Variants in CDKAL1 observed in about 807,000 individuals in gnomAD.
CDKAL1 encodes the protein threonylcarbamoyladenosine tRNA methylthiotransferase.
CDKAL1 carries 32 observed loss-of-function variants against 68.2 expected under a neutral mutation model. The ratio of observed to expected loss-of-function variants is 0.47; its 90% CI spans 0.35 to 0.63. CDKAL1 has a LOEUF of 0.63. Among genes scored for constraint, CDKAL1 ranks in the 30% least tolerant of loss-of-function variants. The pLI, the probability that CDKAL1 is intolerant of heterozygous loss-of-function variation, is 0.00. For synonymous variants in CDKAL1, 234 were observed against 244.3 expected (o/e 0.96, Z 0.39); for missense variants, 606 against 696.7 (o/e 0.87, Z 1.47).
intron 9 of CDKAL1, among the ~76,000 whole-genome samples, chr6:20,860,969 G>A (rs1759591467): frequency 7.0e-6 from 1 of 141,994 alleles, no homozygotes; most frequent in Non-Finnish European, 1.5e-5. Flanking sequence ...AAGCGTAAGC[G>A]TAAATTATGT....
chr6:20,900,083 C>T (rs957441667), intron 9 of CDKAL1, among the ~76,000 whole-genome samples: 1 of 152,138 alleles, frequency 6.6e-6, no homozygotes, highest in Non-Finnish European at 1.5e-5. Flanking sequence ...TCTGCTTCAC[C>T]TTCTCAGTAT....
chr6:20,975,231 G>A (rs547790582), intron 10 of CDKAL1, among the ~76,000 whole-genome samples: 2 of 152,228 alleles, frequency 1.3e-5, no homozygotes, highest in Admixed American at 6.5e-5. Flanking sequence ...CCGTCTCCAG[G>A]TGATAGATAT....
intron 4 of CDKAL1, chr6:20,599,509 A>T (rs1199840770): frequency 2.5e-5 from 8 of 326,372 alleles, no homozygotes; most frequent in Non-Finnish European, 4.9e-5. Context: ...GCTTTATGCA[A>T]ATATTACCAC....
chr6:20,659,720 C>A (rs1769198219), intron 5 of CDKAL1, among the ~76,000 whole-genome samples: 1 of 152,146 alleles, frequency 6.6e-6, no homozygotes, highest in Non-Finnish European at 1.5e-5. Context: ...ATGACCTTGA[C>A]CATGGACACC....
Position 20,680,347 on chromosome 6 carries a change from G to A in CDKAL1, c.371+30970G>A, listed in dbSNP as rs149261437. Among the ~76,000 whole-genome samples the A allele has an allele frequency of 2.4e-3, 368 of 152,266 alleles. 2 individuals carry two copies. The highest frequency in any genetic ancestry group is 7.3e-3 in the African/African-American group (305 of 41,562). ...CTCCCAAAGTCCTGGGATTCCAGGC[G>A]TGAGCCACCACACCCGGTCTAATTT... On this transcript the variant is annotated intron_variant, in intron 5 of 15. Transcript: ENST00000274695.
At chr6:21,183,163 C>T (rs182823231) in intron 13 of CDKAL1, among the ~76,000 whole-genome samples, 9 of 147,930 alleles carry the variant, frequency 6.1e-5, no homozygotes, top group Admixed American at 5.4e-4. Flanking sequence ...CAGCATAATT[C>T]GTCTTTCCAA....
intron 4 of CDKAL1, among the ~76,000 whole-genome samples, chr6:20,626,297 A>C (rs1009438819): frequency 6.6e-6 from 1 of 152,188 alleles, no homozygotes; most frequent in African/African-American, 2.4e-5. Flanking sequence ...TTCCTGCTAG[A>C]AAGTTGGCTA....
intron 12 of CDKAL1, among the ~76,000 whole-genome samples, chr6:21,082,627 C>A (rs1772463082): frequency 6.6e-6 from 1 of 152,068 alleles, no homozygotes; most frequent in South Asian, 2.1e-4. Flanking sequence ...TCTATTATGA[C>A]AGTAAGTTTA....
chr6:21,192,668 G>A (rs918636191), intron 13 of CDKAL1, among the ~76,000 whole-genome samples: 1 of 152,074 alleles, frequency 6.6e-6, no homozygotes, highest in Non-Finnish European at 1.5e-5. Context: ...ATTCTCAACA[G>A]AAGCTTTTAA....
chr6:20,822,987 C>G (rs1443897787), intron 8 of CDKAL1, among the ~76,000 whole-genome samples: 3 of 152,136 alleles, frequency 2.0e-5, no homozygotes, highest in African/African-American at 7.2e-5. Flanking sequence ...ACTTCTCAGC[C>G]TGGTGTTCAC....
At chr6:21,229,922 GCA>G (rs372510590) in intron 15 of CDKAL1, among the ~76,000 whole-genome samples, 5 of 152,222 alleles carry the variant, frequency 3.3e-5, no homozygotes, top group African/African-American at 1.2e-4. Context: ...GAGAAAAGCT[GCA>G]CAGTCAGGTC....
At chr6:21,217,765 T>C (rs1030196283) in intron 15 of CDKAL1, among the ~76,000 whole-genome samples, 1 of 152,222 alleles carries the variant, frequency 6.6e-6, no homozygotes, top group Non-Finnish European at 1.5e-5. Context: ...CCCAAAGTGC[T>C]GGGATTACAG....
intron 15 of CDKAL1, among the ~76,000 whole-genome samples, chr6:21,228,969 C>G (rs557596449): frequency 2.0e-4 from 30 of 152,304 alleles, no homozygotes; most frequent in African/African-American, 7.2e-4. Context: ...CTTGCCTCCC[C>G]CTGCCATGGG....
intron 9 of CDKAL1, among the ~76,000 whole-genome samples, chr6:20,940,207 T>C (rs1188333045): frequency 6.6e-6 from 1 of 152,180 alleles, no homozygotes; most frequent in Non-Finnish European, 1.5e-5. Context: ...AATATGTCAA[T>C]ACAATCAAGA....
At chr6:20,663,914 C>T (rs1473370073) in intron 5 of CDKAL1, among the ~76,000 whole-genome samples, 3 of 151,468 alleles carry the variant, frequency 2.0e-5, no homozygotes, top group Non-Finnish European at 4.4e-5. Flanking sequence ...AATTTAGGTA[C>T]AGCTGAAAAA....
chr6:20,888,008 G>A (rs539381469), intron 9 of CDKAL1, among the ~76,000 whole-genome samples: 118 of 151,922 alleles, frequency 7.8e-4, no homozygotes, highest in Non-Finnish European at 1.5e-3. Flanking sequence ...TAAGTTCTAG[G>A]GTACATGTGC....
At chr6:20,538,776 CT>C (rs890231857) in intron 2 of CDKAL1, among the ~76,000 whole-genome samples, 1 of 152,218 alleles carries the variant, frequency 6.6e-6, no homozygotes, top group African/African-American at 2.4e-5. Flanking sequence ...TGGGCATTTA[CT>C]TCAGCTTCCC....
At chr6:20,834,636 T>A (rs1333650153) in intron 8 of CDKAL1, among the ~76,000 whole-genome samples, 1 of 152,212 alleles carries the variant, frequency 6.6e-6, no homozygotes, top group Non-Finnish European at 1.5e-5. Context: ...AGACTAAGCT[T>A]ATCTTTATCT....
chr6:21,043,663 C>A (rs1770060589), intron 11 of CDKAL1, among the ~76,000 whole-genome samples: 1 of 152,198 alleles, frequency 6.6e-6, no homozygotes, highest in South Asian at 2.1e-4. Flanking sequence ...TTGCATTTTG[C>A]TATCTCAGAG....
Sources: gnomAD v4.1 joint callset for allele counts (sites outside exome capture counted in the v4.1 genomes callset) on GRCh38, gnomAD v4.1.1 for gene constraint, MANE v1.5 for transcripts, NCBI Gene and HGNC (gene_info 2026-07-23, HGNC 2026-07-21) for gene names.